The following SLIT3 variants were observed in gnomAD, a reference collection of about 807,000 sequenced individuals.
SLIT3 encodes slit homolog 3 protein.
SLIT3 carries 68 observed loss-of-function variants against 184.0 expected under a neutral mutation model. The observed-to-expected ratio is 0.37, with a 90% CI of 0.30 to 0.45. The LOEUF (loss-of-function observed/expected upper bound fraction) is 0.45, where lower values mean the gene tolerates loss of function less well. Among genes scored for constraint, SLIT3 ranks in the 20% least tolerant of loss-of-function variants. The pLI is 1.00. For missense variants in SLIT3, 1,707 were observed against 2,026.0 expected, an observed-to-expected ratio of 0.84 and a Z score of 3.02; for synonymous variants, 831 against 828.6, an observed-to-expected ratio of 1.00 and a Z score of -0.05.
intron 4 of SLIT3, among the ~76,000 whole-genome samples, chr5:169,016,039 CCT>C (rs1472789930): frequency 6.7e-6 from 1 of 150,336 alleles, no homozygotes; most frequent in Middle Eastern, 3.2e-3. Context: ...TTTCTTCTTT[CCT>C]CTCTTTGTCA....
intron 20 of SLIT3, among the ~76,000 whole-genome samples, chr5:168,734,911 TG>T (rs1158478388): frequency 6.6e-6 from 1 of 152,178 alleles, no homozygotes; most frequent in African/African-American, 2.4e-5. Flanking sequence ...TTGCTTTCAG[TG>T]CAGAATGTCC....
At chr5:169,138,644 G>C (rs933597449) in intron 4 of SLIT3, among the ~76,000 whole-genome samples, 1 of 152,206 alleles carries the variant, frequency 6.6e-6, no homozygotes, top group African/African-American at 2.4e-5. Context: ...TTCCCACGTT[G>C]CAACTGCTCT....
At chr5:168,845,680 G>A (rs973175515) in intron 5 of SLIT3, among the ~76,000 whole-genome samples, 1 of 151,588 alleles carries the variant, frequency 6.6e-6, no homozygotes. Context: ...TATCAACCAT[G>A]ATCACACCCC....
intron 3 of SLIT3, among the ~76,000 whole-genome samples, chr5:169,219,362 G>A (rs1764548324): frequency 6.6e-6 from 1 of 152,234 alleles, no homozygotes; most frequent in Non-Finnish European, 1.5e-5. Flanking sequence ...AACATGCCTA[G>A]AAGGTGCAGA....
At chr5:168,689,671 T>C (rs906267230) in intron 29 of SLIT3, among the ~76,000 whole-genome samples, 3 of 152,238 alleles carry the variant, frequency 2.0e-5, no homozygotes, top group Non-Finnish European at 4.4e-5. Flanking sequence ...CTGCCCTTCA[T>C]TGAGACCTCA....
chr5:168,998,893 C>CTG (rs71575505), intron 4 of SLIT3, among the ~76,000 whole-genome samples: 28,704 of 143,136 alleles, frequency 0.2, 2,841 homozygotes, highest in African/African-American at 0.21. Flanking sequence ...ACCCAGAAAT[C>CTG]TGTGTGTGTG....
At chr5:169,293,372 A>G (rs1302383261) in intron 1 of SLIT3, among the ~76,000 whole-genome samples, 10 of 152,098 alleles carry the variant, frequency 6.6e-5, no homozygotes. Flanking sequence ...ACCTTCCCCT[A>G]AATCATGCTG....
intron 5 of SLIT3, among the ~76,000 whole-genome samples, chr5:168,846,356 G>C (rs144555641): frequency 6.6e-6 from 1 of 151,958 alleles, no homozygotes; most frequent in South Asian, 2.1e-4. Flanking sequence ...ACATCTTCTC[G>C]ACCCCTAATT....
chr5:169,109,249 T>A (rs1760325120), intron 4 of SLIT3, among the ~76,000 whole-genome samples: 1 of 152,202 alleles, frequency 6.6e-6, no homozygotes, highest in Non-Finnish European at 1.5e-5. Flanking sequence ...TGTGATGAAG[T>A]AAGGCATGAA....
At chr5:169,295,548 T>C (rs1403132828) in intron 1 of SLIT3, among the ~76,000 whole-genome samples, 2 of 152,240 alleles carry the variant, frequency 1.3e-5, no homozygotes, top group African/African-American at 4.8e-5. Flanking sequence ...TAGTGTAACA[T>C]GCCCACAGTG....
At chr5:169,146,875 C>T (rs1254164761) in intron 4 of SLIT3, among the ~76,000 whole-genome samples, 1 of 152,236 alleles carries the variant, frequency 6.6e-6, no homozygotes, top group Non-Finnish European at 1.5e-5. Context: ...CACTTACTAG[C>T]TGTGTGAACT....
chr5:169,233,327 T>G (rs2113556622), intron 3 of SLIT3, among the ~76,000 whole-genome samples: 1 of 152,194 alleles, frequency 6.6e-6, no homozygotes, highest in East Asian at 1.9e-4. Context: ...CCGGTCGGCA[T>G]TGGTATTTTT....
intron 4 of SLIT3, among the ~76,000 whole-genome samples, chr5:169,142,995 C>T (rs1761796805): frequency 6.6e-6 from 1 of 152,186 alleles, no homozygotes; most frequent in East Asian, 1.9e-4. Context: ...CCATCTGCCC[C>T]AGGGAGAATG....
intron 15 of SLIT3, 146 bp from the exon 16 acceptor site, chr5:168,761,082 AC>A: frequency 1.5e-6 from 1 of 654,188 alleles, no homozygotes; most frequent in South Asian, 1.8e-5. Context: ...AGTCCCATCA[AC>A]AGAGGGGCCC....
At chr5:169,126,355 C>G (rs558263473) in intron 4 of SLIT3, among the ~76,000 whole-genome samples, 1 of 152,276 alleles carries the variant, frequency 6.6e-6, no homozygotes, top group South Asian at 2.1e-4. Context: ...GAAAGAGAGA[C>G]AGAGAGAGAT....
At chr5:168,875,634 T>TA (rs777833401) in intron 5 of SLIT3, among the ~76,000 whole-genome samples, 4 of 142,898 alleles carry the variant, frequency 2.8e-5, no homozygotes, top group Non-Finnish European at 4.6e-5. Flanking sequence ...AACTCCGCCT[T>TA]AAAAAAAGAA....
At chr5:168,975,174 T>G (rs1484713608) in intron 4 of SLIT3, among the ~76,000 whole-genome samples, 1 of 151,636 alleles carries the variant, frequency 6.6e-6, no homozygotes, top group Non-Finnish European at 1.5e-5. Flanking sequence ...AGCCAGTCCC[T>G]CCACAGCCTA....
chr5:169,229,379 C>T (rs748634810), intron 3 of SLIT3, among the ~76,000 whole-genome samples: 2 of 152,142 alleles, frequency 1.3e-5, no homozygotes, highest in African/African-American at 2.4e-5. Flanking sequence ...GAAATAAGAA[C>T]GATAACTCGC....
chr5:169,226,836 C>T (rs747642774), intron 3 of SLIT3, among the ~76,000 whole-genome samples: 2 of 152,106 alleles, frequency 1.3e-5, no homozygotes, highest in Non-Finnish European at 2.9e-5. Flanking sequence ...AGAATCGTGG[C>T]CTAGATTCAC....
Sources: allele counts gnomAD v4.1 joint callset (sites outside exome capture counted in the v4.1 genomes callset), GRCh38; gene constraint gnomAD v4.1.1; transcripts MANE v1.5; gene names NCBI Gene and HGNC (gene_info 2026-07-23, HGNC 2026-07-21).